The following LRRC53 variants were observed in gnomAD, a reference collection of about 807,000 sequenced individuals.
LRRC53 encodes the protein leucine rich repeat containing 53.
A neutral mutation model predicts 13.6 loss-of-function variants in LRRC53; 25 were observed. The ratio of observed to expected loss-of-function variants is 1.83; its 90% CI spans 1.34 to 2.56. The LOEUF (loss-of-function observed/expected upper bound fraction) is 2.56, where lower values mean the gene tolerates loss of function less well. LRRC53 is among the 30% of genes most tolerant of loss of function. The pLI is 0.00. For missense variants in LRRC53, 527 were observed against 275.8 expected, an observed-to-expected ratio of 1.91 and a Z score of -6.45; for synonymous variants, 204 against 109.8, an observed-to-expected ratio of 1.86 and a Z score of -5.37.
intron 1 of LRRC53, among the ~76,000 whole-genome samples, chr1:74,510,739 A>G (rs1477672782): frequency 6.6e-6 from 1 of 152,214 alleles, no homozygotes; most frequent in Non-Finnish European, 1.5e-5. Context: ...GCTAGCATTG[A>G]AAAGTTCATG....
At chr1:74,481,304 A>G (rs1485729203) in intron 2 of LRRC53, among the ~76,000 whole-genome samples, 1 of 152,172 alleles carries the variant, frequency 6.6e-6, no homozygotes, top group African/African-American at 2.4e-5. Flanking sequence ...CCTCCCTCCG[A>G]GGCTATGTAC....
At chr1:74,511,980 A>T (rs1670250668) in intron 1 of LRRC53, among the ~76,000 whole-genome samples, 1 of 152,212 alleles carries the variant, frequency 6.6e-6, no homozygotes, top group East Asian at 1.9e-4. Flanking sequence ...CATGGAGTCA[A>T]GTAAGTTCAG....
At chr1:74,520,035 C>G in the LRRC53 span, among the ~76,000 whole-genome samples, 1 of 152,106 alleles carries the variant, frequency 6.6e-6, no homozygotes, top group South Asian at 2.1e-4. Context: ...TTTTGGGGAA[C>G]AGGTGGTATT....
At chr1:74,503,988 T>A (rs1456768766) in intron 1 of LRRC53, among the ~76,000 whole-genome samples, 1 of 152,232 alleles carries the variant, frequency 6.6e-6, no homozygotes, top group African/African-American at 2.4e-5. Context: ...AAGTTAAAAC[T>A]ATCTCCATGA....
At chr1:74,482,908 TC>T (rs2100265608) in intron 2 of LRRC53, among the ~76,000 whole-genome samples, 1 of 152,348 alleles carries the variant, frequency 6.6e-6, no homozygotes, top group East Asian at 1.9e-4. Context: ...AGTTCAGGTT[TC>T]TGATTCATTG....
chr1:74,494,950 T>A (rs1189053353), intron 1 of LRRC53, among the ~76,000 whole-genome samples: 1 of 152,134 alleles, frequency 6.6e-6, no homozygotes, highest in Non-Finnish European at 1.5e-5. Context: ...ACAGCAGCAG[T>A]CCCAGTTAGG....
upstream of LRRC53, among the ~76,000 whole-genome samples, chr1:74,514,828 G>A (rs570946497): frequency 2.3e-4 from 35 of 152,252 alleles, no homozygotes; most frequent in South Asian, 7.1e-3. Context: ...CTCAGACCCT[G>A]GTACCTCAAA....
the LRRC53 span, among the ~76,000 whole-genome samples, chr1:74,521,759 A>T: frequency 5.0e-3 from 764 of 152,266 alleles, 6 homozygotes; most frequent in African/African-American, 0.017. Flanking sequence ...GGGTCTCATA[A>T]ATGAATACAT....
intron 1 of LRRC53, among the ~76,000 whole-genome samples, chr1:74,493,599 T>C (rs983697104): frequency 6.6e-6 from 1 of 152,220 alleles, no homozygotes; most frequent in East Asian, 1.9e-4. Context: ...AATTCAGGGA[T>C]ATACAATCAT....
chr1:74,522,016 T>C, the LRRC53 span, among the ~76,000 whole-genome samples: 3 of 152,150 alleles, frequency 2.0e-5, no homozygotes, highest in African/African-American at 7.2e-5. Flanking sequence ...GAGGGAGATA[T>C]ATCAACATCC....
At chr1:74,474,997 A>AATT (rs1668117051) in intron 4 of LRRC53, among the ~76,000 whole-genome samples, 1 of 31,606 alleles carries the variant, frequency 3.2e-5, no homozygotes, top group African/African-American at 1.3e-4. Flanking sequence ...TGCTATTTAA[A>AATT]AGGCTACTTT....
At chr1:74,525,815 G>C in the LRRC53 span, among the ~76,000 whole-genome samples, 1 of 152,144 alleles carries the variant, frequency 6.6e-6, no homozygotes, top group Non-Finnish European at 1.5e-5. Context: ...GTCAAAACCT[G>C]GGTTGCCCCA....
intron 1 of LRRC53, among the ~76,000 whole-genome samples, chr1:74,496,757 CTT>C (rs1669347062): frequency 6.6e-6 from 1 of 152,116 alleles, no homozygotes; most frequent in Admixed American, 6.5e-5. Flanking sequence ...AGTTCTGCCT[CTT>C]TTAAAATATT....
In LRRC53 at chr1:74,480,922, G is replaced by A; in HGVS notation, c.135C>T (p.Leu45=). 2.8e-6 allele frequency: 2 copies of A among 717,336 alleles called. No individual in the cohort carries two copies. The highest frequency in any genetic ancestry group is 3.0e-5 in the South Asian group (2 of 67,586). The allele number at this position is 717,336 out of a possible 1,614,324, so 44.4% of individuals were successfully genotyped here. Residue 45 remains leucine (L), a synonymous_variant, in exon 3 of 5, where the codon CTC becomes CTT. Coordinates refer to ENST00000294635, the MANE Select transcript of LRRC53 (RefSeq NM_001382280.1). ...ACAGGTTTGTGCTCTCAATAGAGGA[G>A]AGATATCCATCGGTGATGATTAAAA... ...TRVLIITDGY[L]SSIESTNLSL...
chr1:74,513,191 G>C (rs1052029643), upstream of LRRC53, among the ~76,000 whole-genome samples: 8 of 152,232 alleles, frequency 5.3e-5, no homozygotes, highest in Non-Finnish European at 1.0e-4. Flanking sequence ...TGTGGAGAAA[G>C]AGTCCGAATG....
chr1:74,531,206 C>G, the LRRC53 span, among the ~76,000 whole-genome samples: 1 of 152,194 alleles, frequency 6.6e-6, no homozygotes. Flanking sequence ...AATGCTTTGG[C>G]ACTTGCCCAT....
chr1:74,477,952 C>A (rs1668288020), intron 3 of LRRC53, among the ~76,000 whole-genome samples: 1 of 152,100 alleles, frequency 6.6e-6, no homozygotes, highest in Non-Finnish European at 1.5e-5. Context: ...TTTTATCTAC[C>A]AGTTCATAGT....
Position 74,480,220 on chromosome 1 carries a change from A to G in LRRC53, c.837T>C (p.Val279=), listed in dbSNP as rs955153883. ...CDSKAPNFTL[V]LKDRSPLLPG... ...GGAGGAGGGGACTTCTGTCCTTTAG[A>G]ACCAGAGTGAAGTTGGGAGCTTTGG... The change falls in exon 3 of 5, where the codon GTT becomes GTC. Residue 279 remains valine, a synonymous_variant. Transcript: ENST00000294635. 1.1e-5 allele frequency: 8 copies of G among 717,534 alleles called. No individual in the cohort carries two copies. The Admixed American group carries it at 1.6e-4, about 14-fold the overall frequency. 44.4% of individuals were successfully genotyped at this position (717,534 alleles called of 1,614,324 possible).
Position 74,469,633 on chromosome 1 carries a change from C to A in LRRC53, c.*245G>T. ...GCAAGACTTGGCAAAACTTTTCTTACTTGTTTTTTCATTCCTTAGAGAAGC... is the reference window on the plus strand; with the variant it reads ...GCAAGACTTGGCAAAACTTTTCTTAATTGTTTTTTCATTCCTTAGAGAAGC... On this transcript the variant is annotated 3_prime_UTR_variant, in exon 5 of 5. Transcript: ENST00000294635. The A allele has an allele frequency of 3.2e-6, 1 of 312,752 alleles. No homozygotes were observed. The allele number at this position is 312,752 out of a possible 1,614,324, so 19.4% of individuals were successfully genotyped here.
Sources: gnomAD v4.1 joint callset for allele counts (sites outside exome capture counted in the v4.1 genomes callset) on GRCh38, gnomAD v4.1.1 for gene constraint, MANE v1.5 for transcripts, NCBI Gene and HGNC (gene_info 2026-07-23, HGNC 2026-07-21) for gene names.